MSH3: variants seen among roughly 807,000 people sequenced by gnomAD.
MSH3 encodes DNA mismatch repair protein Msh3.
A neutral mutation model predicts 123.3 loss-of-function variants in MSH3; 106 were observed. That is an observed-to-expected ratio of 0.86 (90% CI 0.73 to 1.01). MSH3 has a LOEUF of 1.01. Ranked by LOEUF, MSH3 falls within the 50% of genes least tolerant of loss-of-function variation. The pLI is 0.00. For synonymous variants in MSH3, 515 were observed against 481.4 expected (o/e 1.07, Z -0.91); for missense variants, 1,459 against 1,347.6 (o/e 1.08, Z -1.29).
At chr5:80,707,437 G>A (rs1750748572) in intron 8 of MSH3, among the ~76,000 whole-genome samples, 1 of 152,228 alleles carries the variant, frequency 6.6e-6, no homozygotes, top group South Asian at 2.1e-4. Context: ...ATAAGAAACA[G>A]CCAGGCCAGG....
At chr5:80,680,539 C>T (rs1323566148) in intron 8 of MSH3, among the ~76,000 whole-genome samples, 1 of 150,414 alleles carries the variant, frequency 6.6e-6, no homozygotes, top group Non-Finnish European at 1.5e-5. Flanking sequence ...TGTGAACTTG[C>T]ATTCCTGCTG....
intron 20 of MSH3, among the ~76,000 whole-genome samples, chr5:80,817,907 C>T (rs1347259617): frequency 6.6e-6 from 1 of 151,932 alleles, no homozygotes; most frequent in Non-Finnish European, 1.5e-5. Flanking sequence ...TGTCTTCTGG[C>T]CAAAAAAAAT....
intron 20 of MSH3, among the ~76,000 whole-genome samples, chr5:80,814,129 G>GAAAAAA (rs10708713): frequency 7.0e-6 from 1 of 142,732 alleles, no homozygotes; most frequent in Non-Finnish European, 1.5e-5. Flanking sequence ...CTGTCTCAAA[G>GAAAAAA]AAAAAAAAAA....
intron 18 of MSH3, among the ~76,000 whole-genome samples, chr5:80,788,987 T>C (rs1744563003): frequency 6.6e-6 from 1 of 152,166 alleles, no homozygotes; most frequent in Non-Finnish European, 1.5e-5. Flanking sequence ...CTGTGAGTTA[T>C]CCTTTGCATC....
At chr5:80,692,643 T>TAG (rs1491242448) in intron 8 of MSH3, among the ~76,000 whole-genome samples, 1 of 142,064 alleles carries the variant, frequency 7.0e-6, no homozygotes, top group South Asian at 2.2e-4. Context: ...TTTATATATG[T>TAG]TTATATAGAT....
chr5:80,757,663 G>A (rs1007936130), intron 12 of MSH3, among the ~76,000 whole-genome samples: 5 of 152,106 alleles, frequency 3.3e-5, no homozygotes, highest in Non-Finnish European at 7.3e-5. Flanking sequence ...AAGATCAACC[G>A]TAGAATACTA....
intron 12 of MSH3, 59 bp downstream of exon 12, chr5:80,744,674 G>A (rs1342717969): frequency 1.5e-6 from 2 of 1,297,344 alleles, no homozygotes; most frequent in Admixed American, 1.9e-5. Flanking sequence ...GAAATTAAAG[G>A]CATTTTAAAA....
chr5:80,658,976 G>A lies in MSH3; in HGVS notation c.358+2445G>A, dbSNP rs189654279. Among the ~76,000 whole-genome samples the A allele has an allele frequency of 8.5e-5, 13 of 152,282 alleles. No individual in the cohort carries two copies. The East Asian group carries it at 2.1e-3, about 25-fold the overall frequency. On this transcript the variant is annotated intron_variant, in intron 2 of 23. Coordinates refer to ENST00000265081, the MANE Select transcript of MSH3 (RefSeq NM_002439.5). The stretch of plus-strand genomic sequence containing the variant: ...GGGCCAGGCACGGTGGCTCACGCCT[G>A]TAATCCCAGCACTTTGGGAGGCCAA...
At position 80,876,649 on chromosome 5, in the gene MSH3, G is replaced by T. The variant is rs1329274965; in HGVS notation, c.*787G>T. ...ATCTCAAAAAAAAAAAAAGAAAAAA[G>T]AAAAGAAATAGAATTATCAAGCTTT... On this transcript the variant is annotated 3_prime_UTR_variant, in exon 24 of 24. Transcript: ENST00000265081. Among the ~76,000 whole-genome samples, 1 of 150,308 alleles carries T rather than the reference G, an allele frequency of 6.7e-6. No homozygotes were observed. Among genetic ancestry groups the T allele is most frequent in the Non-Finnish European group, 1.5e-5 (1 of 67,608 alleles).
intron 10 of MSH3, among the ~76,000 whole-genome samples, chr5:80,736,174 C>T (rs1429423944): frequency 1.3e-5 from 2 of 152,016 alleles, no homozygotes; most frequent in African/African-American, 4.8e-5. Flanking sequence ...TGCAGTGAGC[C>T]GAGATCGCGC....
rs6151610 is a variant in MSH3 at position 80,664,920 on chromosome 5, A to G, written c.359-223A>G. Among the ~76,000 whole-genome samples, 1,040 of 152,202 alleles carry G rather than the reference A, an allele frequency of 6.8e-3. 8 individuals carry two copies. Among genetic ancestry groups the G allele is most frequent in the African/African-American group, 0.024 (1,004 of 41,534 alleles). ...ACAAAAAAGAAAAAAAACCTCTACT[A>G]TAGTAATGAGGTTTCAGGAATGAGT... On this transcript the variant is annotated intron_variant, in intron 2 of 23. Transcript: ENST00000265081.
At chr5:80,745,249 T>G (rs2112869435) in intron 12 of MSH3, among the ~76,000 whole-genome samples, 1 of 152,316 alleles carries the variant, frequency 6.6e-6, no homozygotes, top group Middle Eastern at 3.4e-3. Context: ...GATTGTGATT[T>G]AATTGGTCTC....
In MSH3 at chr5:80,775,700, A is replaced by G. The variant is rs376208514; in HGVS notation, c.2260A>G (p.Ile754Val). 3.3e-6 allele frequency: 5 copies of G among 1,537,350 alleles called. No individual in the cohort carries two copies. Among genetic ancestry groups the G allele is most frequent in the Non-Finnish European group, 4.5e-6 (5 of 1,110,794 alleles). ...YVTVSGQEFM[I>V]EIKNSAVSCI... is the part of the protein sequence containing the mutation. ...TTATTTGTATTTGTTTTAGTTTATG[A>G]TAGAAATAAAGAACTCTGCTGTATC... is the stretch of plus-strand genomic sequence containing the variant. The change falls in exon 16 of 24, where the codon ATA (isoleucine) becomes GTA (valine). Residue 754 changes from isoleucine (I) to valine (V), a missense_variant. Coordinates refer to ENST00000265081, the MANE Select transcript of MSH3 (RefSeq NM_002439.5).
intron 8 of MSH3, among the ~76,000 whole-genome samples, chr5:80,698,395 T>C (rs1326183767): frequency 3.3e-5 from 5 of 152,202 alleles, no homozygotes; most frequent in African/African-American, 7.2e-5. Flanking sequence ...CAAGTTCTTA[T>C]AGTCTAGAGG....
At chr5:80,811,345 A>G (rs984130191) in intron 19 of MSH3, among the ~76,000 whole-genome samples, 5 of 152,056 alleles carry the variant, frequency 3.3e-5, no homozygotes, top group Non-Finnish European at 5.9e-5. Flanking sequence ...AGATAATTGT[A>G]TGGTTTCTTT....
intron 23 of MSH3, among the ~76,000 whole-genome samples, chr5:80,874,867 G>A (rs1746279023): frequency 6.6e-6 from 1 of 152,196 alleles, no homozygotes. Context: ...TTGACAAGAT[G>A]AGAGAATTAT....
intron 9 of MSH3, among the ~76,000 whole-genome samples, chr5:80,728,115 T>A (rs528301876): frequency 6.6e-6 from 1 of 152,248 alleles, no homozygotes; most frequent in East Asian, 1.9e-4. Context: ...TAGGGTCACT[T>A]TAAGGGCTTT....
At chr5:80,814,401 A>G (rs1431737582) in intron 20 of MSH3, among the ~76,000 whole-genome samples, 1 of 152,104 alleles carries the variant, frequency 6.6e-6, no homozygotes, top group African/African-American at 2.4e-5. Flanking sequence ...CCTCCTGAAT[A>G]GCTGGGATTA....
intron 6 of MSH3, among the ~76,000 whole-genome samples, chr5:80,673,100 A>G (rs1340774727): frequency 1.3e-5 from 2 of 152,234 alleles, no homozygotes; most frequent in Non-Finnish European, 2.9e-5. Flanking sequence ...CAAGAAAAAA[A>G]GCAACCCTAA....
Sources: allele counts gnomAD v4.1 joint callset (sites outside exome capture counted in the v4.1 genomes callset), GRCh38; gene constraint gnomAD v4.1.1; transcripts MANE v1.5; gene names NCBI Gene and HGNC (gene_info 2026-07-23, HGNC 2026-07-21).